Variants in GDA observed in about 807,000 individuals in gnomAD.
GDA encodes the protein guanine deaminase.
A neutral mutation model predicts 59.6 loss-of-function variants in GDA; 18 were observed. That is an observed-to-expected ratio of 0.30 (90% CI 0.21 to 0.45). The LOEUF is 0.45. Among genes scored for constraint, GDA ranks in the 20% least tolerant of loss-of-function variants. The pLI is 1.00. For missense variants in GDA, 427 were observed against 552.3 expected (o/e 0.77, Z 2.27); for synonymous variants, 201 against 201.1 (o/e 1.00, Z 0.00).
chr9:72,250,866 T>G lies in GDA; in HGVS notation c.*2524T>G. ...GGTAAAAACAATTCAAAAGTATCGA[T>G]TATCATAAATTCACAAAATATTTTT... is the stretch of plus-strand genomic sequence containing the variant. On this transcript the variant is annotated 3_prime_UTR_variant, in exon 14 of 14. Coordinates refer to ENST00000358399, the MANE Select transcript of GDA (RefSeq NM_004293.5). The G allele has an allele frequency of 6.3e-7, 1 of 1,589,604 alleles. No homozygotes were observed. Among genetic ancestry groups the G allele is most frequent in the East Asian group, 2.2e-5 (1 of 44,610 alleles).
At chr9:72,155,534 A>G (rs1479552134) in intron 1 of GDA, among the ~76,000 whole-genome samples, 2 of 152,216 alleles carry the variant, frequency 1.3e-5, no homozygotes, top group Non-Finnish European at 2.9e-5. Context: ...GTAGGAAGGA[A>G]TGAAACAGTC....
chr9:72,137,210 A>T (rs1311591734), intron 1 of GDA, among the ~76,000 whole-genome samples: 268 of 65,376 alleles, frequency 4.1e-3, no homozygotes, highest in African/African-American at 0.011. Flanking sequence ...ATAAATTAAA[A>T]AAAAAAAAAA....
chr9:72,189,158 A>G, intron 1 of GDA, among the ~76,000 whole-genome samples: 1 of 126,238 alleles, frequency 7.9e-6, no homozygotes, highest in African/African-American at 3.2e-5. Flanking sequence ...TACAGAGGAG[A>G]CTCTAGACTT....
chr9:72,127,062 A>G (rs1015620635), intron 1 of GDA, among the ~76,000 whole-genome samples: 1 of 151,764 alleles, frequency 6.6e-6, no homozygotes, highest in Admixed American at 6.6e-5. Flanking sequence ...CTTACCATCT[A>G]TCTGGCTCAA....
chr9:72,129,782 A>G (rs528301357), intron 1 of GDA, among the ~76,000 whole-genome samples: 4 of 152,260 alleles, frequency 2.6e-5, no homozygotes, highest in Admixed American at 6.5e-5. Context: ...TATTAGTGCC[A>G]TCTATATGAG....
At chr9:72,132,823 CT>C (rs1323047293) in intron 1 of GDA, among the ~76,000 whole-genome samples, 3 of 152,134 alleles carry the variant, frequency 2.0e-5, no homozygotes, top group African/African-American at 4.8e-5. Flanking sequence ...ATTTGTGACT[CT>C]GGCTTATGAG....
At chr9:72,217,815 C>A (rs1321667482) in intron 5 of GDA, among the ~76,000 whole-genome samples, 1 of 152,088 alleles carries the variant, frequency 6.6e-6, no homozygotes, top group Non-Finnish European at 1.5e-5. Flanking sequence ...ATTCTACTGA[C>A]CATATAAATA....
At chr9:72,208,205 A>C (rs1285184734) in intron 3 of GDA, among the ~76,000 whole-genome samples, 1 of 152,188 alleles carries the variant, frequency 6.6e-6, no homozygotes, top group Non-Finnish European at 1.5e-5. Flanking sequence ...TCCTAACTCC[A>C]AACTATTTCA....
At chr9:72,188,231 A>G (rs1354268417) in intron 1 of GDA, among the ~76,000 whole-genome samples, 1 of 152,214 alleles carries the variant, frequency 6.6e-6, no homozygotes, top group African/African-American at 2.4e-5. Flanking sequence ...GCCACCATCA[A>G]TACAATGGGA....
At chr9:72,247,548 T>C in intron 13 of GDA, 115 bp downstream of exon 13, 1 of 646,430 alleles carries the variant, frequency 1.5e-6, no homozygotes, top group South Asian at 2.0e-5. Context: ...GGATGATAAT[T>C]TGCTTTGATT....
At chr9:72,245,859 A>G (rs1840086898) in intron 12 of GDA, among the ~76,000 whole-genome samples, 1 of 152,196 alleles carries the variant, frequency 6.6e-6, no homozygotes, top group African/African-American at 2.4e-5. Context: ...TTTTCTATGG[A>G]TAAAATAAAC....
chr9:72,220,750 C>A (rs939470172), intron 6 of GDA, among the ~76,000 whole-genome samples: 13 of 152,154 alleles, frequency 8.5e-5, no homozygotes, highest in African/African-American at 3.1e-4. Flanking sequence ...CACTTGTGCC[C>A]TTGGTCTGCT....
At position 72,223,144 on chromosome 9, in the gene GDA, A is replaced by G. The variant is rs1837111087; in HGVS notation, c.631A>G (p.Thr211Ala). The G allele has an allele frequency of 6.2e-7, 1 of 1,605,728 alleles. No individual in the cohort carries two copies. The highest frequency in any genetic ancestry group is 1.1e-5 in the South Asian group (1 of 90,846). ...GTATTCTAGAGTGAAGCCCATAGTG[A>G]CACCACGTTTTTCCCTCTCCTGCTC... ...KNYSRVKPIV[T>A]PRFSLSCSET... is the part of the protein sequence containing the mutation. The change falls in exon 7 of 14, where the codon ACA (threonine) becomes GCA (alanine). Residue 211 changes from threonine to alanine, a missense_variant. Transcript: ENST00000358399.
intron 2 of GDA, among the ~76,000 whole-genome samples, chr9:72,198,861 A>ATATATATAT (rs1491123372): frequency 4.1e-5 from 6 of 147,902 alleles, no homozygotes; most frequent in South Asian, 2.1e-4. Context: ...ATATATATAT[A>ATATATATAT]AAATTTTTTT....
intron 4 of GDA, among the ~76,000 whole-genome samples, chr9:72,213,629 C>G (rs1332224713): frequency 6.6e-6 from 1 of 151,066 alleles, no homozygotes; most frequent in Non-Finnish European, 1.5e-5. Context: ...CGGTGAAACC[C>G]CGTCTCTACT....
chr9:72,215,192 G>A (rs1354066317), intron 5 of GDA, among the ~76,000 whole-genome samples: 1 of 152,200 alleles, frequency 6.6e-6, no homozygotes, highest in African/African-American at 2.4e-5. Flanking sequence ...AAATAAAATA[G>A]TATACAAGAA....
chr9:72,139,643 G>C (rs867331995), intron 1 of GDA, among the ~76,000 whole-genome samples: 1 of 150,586 alleles, frequency 6.6e-6, no homozygotes, highest in Non-Finnish European at 1.5e-5. Flanking sequence ...GCAGTATAGG[G>C]AGACCCTCGC....
chr9:72,159,931 T>C (rs962603193), intron 1 of GDA, among the ~76,000 whole-genome samples: 3 of 152,234 alleles, frequency 2.0e-5, no homozygotes, highest in Admixed American at 1.3e-4. Flanking sequence ...CATTTTAAAG[T>C]ATATGATTCA....
At position 72,228,077 on chromosome 9, in the gene GDA, A is replaced by G. The variant is rs369386185; in HGVS notation, c.920+37A>G. 6.8e-6 allele frequency: 8 copies of G among 1,168,472 alleles called. No individual in the cohort carries two copies. In the African/African-American group the frequency reaches 1.2e-4, roughly 17 times the overall value. 72.4% of individuals were successfully genotyped at this position (1,168,472 alleles called of 1,614,324 possible). ...ATGATTGTTTGGTAGATTACGAATG[A>G]TTGGGTTGCAGATTAGCAGCCAAAT... On this transcript the variant is annotated intron_variant, in intron 9 of 13. Coordinates refer to ENST00000358399, the MANE Select transcript of GDA (RefSeq NM_004293.5).
Sources: gnomAD v4.1 joint callset for allele counts (sites outside exome capture counted in the v4.1 genomes callset) on GRCh38, gnomAD v4.1.1 for gene constraint, MANE v1.5 for transcripts, NCBI Gene and HGNC (gene_info 2026-07-23, HGNC 2026-07-21) for gene names.